DIAPH2: variants seen among roughly 807,000 people sequenced by gnomAD.
The protein encoded by DIAPH2 is diaphanous related formin 2, also known as protein diaphanous homolog 2.
A neutral mutation model predicts 92.7 loss-of-function variants in DIAPH2; 35 were observed. The observed-to-expected ratio is 0.38, with a 90% CI of 0.29 to 0.50. The LOEUF (loss-of-function observed/expected upper bound fraction) is 0.50, where lower values mean the gene tolerates loss of function less well. DIAPH2 is among the 20% of genes least tolerant of loss of function. The pLI is 0.94. For missense variants in DIAPH2, 701 were observed against 819.5 expected (o/e 0.86, Z 1.77); for synonymous variants, 301 against 280.4 (o/e 1.07, Z -0.73).
intron 17 of DIAPH2, among the ~76,000 whole-genome samples, chrX:96,993,130 A>G (rs1482201097): frequency 8.9e-6 from 1 of 112,495 alleles, no homozygotes; most frequent in Non-Finnish European, 1.9e-5. Context: ...ATTGTGGTCC[A>G]CTGGAGAATG....
chrX:97,320,573 C>A (rs922893876), intron 23 of DIAPH2, among the ~76,000 whole-genome samples: 3 of 110,086 alleles, frequency 2.7e-5, no homozygotes, highest in Admixed American at 9.8e-5. Context: ...AAATTACCCA[C>A]ACGTGGTGGC....
chrX:96,779,079 G>C (rs2064397826), intron 4 of DIAPH2, among the ~76,000 whole-genome samples: 1 of 112,096 alleles, frequency 8.9e-6, no homozygotes, highest in African/African-American at 3.2e-5. Context: ...TTGCCTGAAT[G>C]AATTATAACT....
intron 26 of DIAPH2, among the ~76,000 whole-genome samples, chrX:97,525,534 T>A (rs1278933042): frequency 1.8e-5 from 2 of 112,332 alleles, no homozygotes; most frequent in Non-Finnish European, 3.8e-5. Flanking sequence ...GATAGTGAGC[T>A]CATTGGGAGC....
intron 26 of DIAPH2, among the ~76,000 whole-genome samples, chrX:97,543,125 C>G (rs2071153431): frequency 8.9e-6 from 1 of 112,464 alleles, no homozygotes; most frequent in Admixed American, 9.4e-5. Context: ...AAACTGCAGC[C>G]CATTGGTCCA....
At chrX:97,049,833 G>A (rs1232229775) in intron 17 of DIAPH2, among the ~76,000 whole-genome samples, 1 of 111,084 alleles carries the variant, frequency 9.0e-6, no homozygotes, top group Admixed American at 9.6e-5. Flanking sequence ...ACAGAAAAGT[G>A]CTTCATATAC....
intron 23 of DIAPH2, among the ~76,000 whole-genome samples, chrX:97,322,348 T>C (rs1201363359): frequency 9.0e-6 from 1 of 111,202 alleles, no homozygotes; most frequent in Non-Finnish European, 1.9e-5. Context: ...TATGGGAGAG[T>C]AGAAAAAGAA....
chrX:96,976,873 T>G (rs148196500), intron 17 of DIAPH2, among the ~76,000 whole-genome samples: 4,450 of 111,342 alleles, frequency 0.04, 106 homozygotes, highest in Middle Eastern at 0.086. Context: ...CAAGAGCGAT[T>G]ATAATTATTT....
At chrX:96,957,757 T>A (rs2065821240) in intron 15 of DIAPH2, 71 bp from the exon 16 acceptor site, 6 of 736,068 alleles carry the variant, frequency 8.2e-6, no homozygotes, top group Non-Finnish European at 1.2e-5. Context: ...CAAATATCTA[T>A]TGATATATAT....
intron 25 of DIAPH2, among the ~76,000 whole-genome samples, chrX:97,384,853 G>A (rs988035598): frequency 2.8e-5 from 3 of 108,737 alleles, no homozygotes; most frequent in Admixed American, 1.0e-4. Context: ...GCAACAGAGC[G>A]AGACTGTATC....
intron 9 of DIAPH2, among the ~76,000 whole-genome samples, chrX:96,925,068 C>T (rs1486319393): frequency 1.8e-5 from 2 of 110,846 alleles, no homozygotes; most frequent in Admixed American, 1.9e-4. Context: ...CTTTGCTTTT[C>T]TCATATTGAT....
chrX:96,684,930 C>A lies in DIAPH2; in HGVS notation c.-129C>A, dbSNP rs2063762702. ...CGGGGGCCTGAAATCGGCAGCTTCC[C>A]GGGCAGACACTCTCTCCCTCAGGAA... On this transcript the variant is annotated 5_prime_UTR_variant, in exon 1 of 27. Transcript: ENST00000324765. 1 of 822,051 alleles carries A rather than the reference C, an allele frequency of 1.2e-6. No individual in the cohort carries two copies. Among genetic ancestry groups the A allele is most frequent in the Non-Finnish European group, 1.6e-6 (1 of 645,082 alleles). 67.7% of individuals were successfully genotyped at this position (822,051 alleles called of 1,213,427 possible).
intron 17 of DIAPH2, among the ~76,000 whole-genome samples, chrX:97,015,787 GAAAAAAA>G (rs397966972): frequency 2.5e-3 from 85 of 33,630 alleles, no homozygotes; most frequent in African/African-American, 9.2e-3. Flanking sequence ...GACGCCATCT[GAAAAAAA>G]AAAAAAAAAA....
chrX:96,927,929 T>C (rs1041706789), intron 9 of DIAPH2, among the ~76,000 whole-genome samples: 73 of 111,645 alleles, frequency 6.5e-4, no homozygotes, highest in African/African-American at 2.3e-3. Context: ...CTAGACAACA[T>C]ATTGTTTATA....
In DIAPH2 at chrX:96,743,802, G is replaced by A. The variant is rs145766122; in HGVS notation, c.342+5040G>A. Among the ~76,000 whole-genome samples the A allele has an allele frequency of 4.6e-3, 512 of 111,058 alleles. 5 individuals carry two copies. The highest frequency in any genetic ancestry group is 0.016 in the African/African-American group (480 of 30,628). On this transcript the variant is annotated intron_variant, in intron 3 of 26. Coordinates refer to ENST00000324765, the MANE Select transcript of DIAPH2 (RefSeq NM_006729.5). ...TCTATTATACAACATGGTGACTATT[G>A]TATTTTTGAAAAATGCTAAGAGTAG...
rs965741154 is a variant in DIAPH2, at chrX:97,099,328, T to C, written c.2248-366T>C. 2.7e-5 allele frequency among the ~76,000 whole-genome samples: 3 copies of C among 109,526 alleles called. No homozygotes were observed. In the Admixed American group the frequency reaches 2.9e-4, roughly 11 times the overall value. On this transcript the variant is annotated intron_variant, in intron 19 of 26. Transcript: ENST00000324765. Reference sequence around the variant, plus strand: ...TTGCAGTGAGCCGAGATCGCGCCACTGCACTCCAGCCAGGGCGACAGAGCG... The same window carrying C: ...TTGCAGTGAGCCGAGATCGCGCCACCGCACTCCAGCCAGGGCGACAGAGCG...
intron 26 of DIAPH2, among the ~76,000 whole-genome samples, chrX:97,515,591 G>T (rs2070940117): frequency 8.9e-6 from 1 of 111,993 alleles, no homozygotes; most frequent in African/African-American, 3.2e-5. Context: ...GGGTAGTGGA[G>T]AAATATGACT....
chrX:96,942,286 A>C (rs1274417112), intron 13 of DIAPH2, 150 bp downstream of exon 13: 1 of 427,143 alleles, frequency 2.3e-6, no homozygotes, highest in East Asian at 4.0e-5. Flanking sequence ...TGGGCACTCA[A>C]TTGCTGTAAT....
chrX:96,770,985 T>C (rs1330911908), intron 4 of DIAPH2, among the ~76,000 whole-genome samples: 2 of 111,970 alleles, frequency 1.8e-5, no homozygotes, highest in African/African-American at 6.5e-5. Flanking sequence ...TGAAAGGTTT[T>C]GTTATTTGAA....
At position 97,405,261 on chromosome X, in the gene DIAPH2, A is replaced by T. The variant is rs556446383; in HGVS notation, c.3145+21217A>T. 3.6e-5 allele frequency among the ~76,000 whole-genome samples: 4 copies of T among 112,415 alleles called. No individual in the cohort carries two copies. In the South Asian group the frequency reaches 1.5e-3, roughly 41 times the overall value. On this transcript the variant is annotated intron_variant, in intron 25 of 26. Transcript: ENST00000324765. The stretch of plus-strand genomic sequence containing the variant: ...CTAAATCTCTCCCCAGTGAAATCAT[A>T]CCTCAAAGATGTTTCATTAAAATGA...
Sources: allele counts gnomAD v4.1 joint callset (sites outside exome capture counted in the v4.1 genomes callset), GRCh38; gene constraint gnomAD v4.1.1; transcripts MANE v1.5; gene names NCBI Gene and HGNC (gene_info 2026-07-23, HGNC 2026-07-21).